TEK: variants seen among roughly 807,000 people sequenced by gnomAD.
TEK encodes TEK receptor tyrosine kinase, also known as angiopoietin-1 receptor.
TEK carries 43 observed loss-of-function variants against 131.8 expected under a neutral mutation model. The ratio of observed to expected loss-of-function variants is 0.33; its 90% confidence interval spans 0.26 to 0.42. The LOEUF is 0.42. Among genes scored for constraint, TEK ranks in the 10% least tolerant of loss-of-function variants. TEK has a pLI of 1.00. For synonymous variants in TEK, 580 were observed against 491.6 expected (o/e 1.18, Z -2.38); for missense variants, 1,162 against 1,384.4 (o/e 0.84, Z 2.55).
In TEK at chr9:27,168,616, G is replaced by C; in HGVS notation, c.475+11G>C. 6.5e-7 allele frequency: 1 copy of C among 1,542,242 alleles called. No individual in the cohort carries two copies. Among genetic ancestry groups the C allele is most frequent in the East Asian group, 2.3e-5 (1 of 44,390 alleles). ...TGATTTACAAAAATGGTGAGTATGTGTTTCATTGCTTTCCCCAGTATGATG... is the reference window on the plus strand; with the variant it reads ...TGATTTACAAAAATGGTGAGTATGTCTTTCATTGCTTTCCCCAGTATGATG... On this transcript the variant is annotated intron_variant, in intron 3 of 22. Transcript: ENST00000380036.
chr9:27,175,164 A>T (rs1363378157), intron 6 of TEK, among the ~76,000 whole-genome samples: 1 of 117,356 alleles, frequency 8.5e-6, no homozygotes, highest in Non-Finnish European at 1.7e-5. Context: ...CAGTCCCCAG[A>T]GTGTGATGTT....
chr9:27,206,810 T>C lies in TEK; in HGVS notation c.2575+18T>C, dbSNP rs957024390. On this transcript the variant is annotated intron_variant, in intron 15 of 22. Transcript: ENST00000380036. ...AATGAAAGGTCAGTGGTTGACCAGA[T>C]AGAGTCAGCATTGCGTGAGGGTGTG... 2.5e-6 allele frequency: 4 copies of C among 1,611,900 alleles called. No individual in the cohort carries two copies. The African/African-American group carries it at 5.3e-5, about 22-fold the overall frequency.
At chr9:27,145,861 T>G (rs1822898464) in intron 1 of TEK, among the ~76,000 whole-genome samples, 2 of 152,238 alleles carry the variant, frequency 1.3e-5, no homozygotes, top group Admixed American at 1.3e-4. Context: ...ATTGATTAGT[T>G]GTGTGTGCCT....
intron 1 of TEK, among the ~76,000 whole-genome samples, chr9:27,138,290 C>G (rs1043693464): frequency 6.6e-6 from 1 of 151,640 alleles, no homozygotes; most frequent in South Asian, 2.1e-4. Flanking sequence ...TTTGGCCCTG[C>G]CCACATCCTG....
intron 8 of TEK, 55 bp downstream of exon 8, chr9:27,183,665 A>C: frequency 6.3e-7 from 1 of 1,598,022 alleles, no homozygotes; most frequent in Admixed American, 1.7e-5. Context: ...TCAGTGTAGT[A>C]ATCACCCCAC....
chr9:27,179,107 T>G (rs1824272341), intron 6 of TEK, among the ~76,000 whole-genome samples: 1 of 152,178 alleles, frequency 6.6e-6, no homozygotes, highest in South Asian at 2.1e-4. Context: ...TTTTGTCTCT[T>G]GGGTCCCTAA....
intron 1 of TEK, among the ~76,000 whole-genome samples, chr9:27,150,736 T>C (rs2131103946): frequency 6.6e-6 from 1 of 152,320 alleles, no homozygotes; most frequent in Non-Finnish European, 1.5e-5. Context: ...AGTTTGCATA[T>C]AAATGAATGT....
In TEK at chr9:27,228,182, C is replaced by T. The variant is rs763602471; in HGVS notation, c.3201-24C>T. On this transcript the variant is annotated intron_variant, in intron 21 of 22. Transcript: ENST00000380036. ...GACTGAAGCACAGTTATAGAATTAA[C>T]CCTTTAATTCTTTGCTTTCGAAGGT... The T allele has an allele frequency of 1.7e-5, 26 of 1,564,418 alleles. 1 individual carries two copies. The South Asian group carries it at 2.8e-4, about 17-fold the overall frequency.
chr9:27,135,420 GA>G (rs1170887628), intron 1 of TEK, among the ~76,000 whole-genome samples: 4 of 151,802 alleles, frequency 2.6e-5, no homozygotes, highest in African/African-American at 7.3e-5. Flanking sequence ...TTTTGCAGGG[GA>G]AAAAAATCCT....
At chr9:27,149,894 G>T (rs12348315) in intron 1 of TEK, among the ~76,000 whole-genome samples, 289 of 152,222 alleles carry the variant, frequency 1.9e-3, no homozygotes, top group African/African-American at 6.8e-3. Flanking sequence ...GGGTATCCTG[G>T]TGCTGATAAA....
At chr9:27,147,214 C>G (rs1358220177) in intron 1 of TEK, among the ~76,000 whole-genome samples, 3 of 152,154 alleles carry the variant, frequency 2.0e-5, no homozygotes, top group Non-Finnish European at 4.4e-5. Flanking sequence ...CCTACACATT[C>G]TCTTTAGCAC....
chr9:27,116,286 G>A (rs1821552946), intron 1 of TEK, among the ~76,000 whole-genome samples: 2 of 152,014 alleles, frequency 1.3e-5, no homozygotes, highest in South Asian at 2.1e-4. Flanking sequence ...GAGGCTACAT[G>A]TAAAGGAAGT....
chr9:27,202,959 G>A lies in TEK; in HGVS notation c.2049G>A (p.Gln683=). 3.1e-6 allele frequency: 5 copies of A among 1,614,120 alleles called. No homozygotes were observed. Among genetic ancestry groups the A allele is most frequent in the Non-Finnish European group, 4.2e-6 (5 of 1,180,014 alleles). Residue 683 remains glutamine, a synonymous_variant, in exon 13 of 23, where the codon CAG becomes CAA. Transcript: ENST00000380036. ...AGGTTCAAGGCAAGAATGAAGACCA[G>A]CACGTTGATGTGAAGATAAAGAATG... is the stretch of plus-strand genomic sequence containing the variant. ...RYKVQGKNED[Q]HVDVKIKNAT...
At chr9:27,144,702 A>C (rs1348158603) in intron 1 of TEK, among the ~76,000 whole-genome samples, 1 of 152,168 alleles carries the variant, frequency 6.6e-6, no homozygotes, top group African/African-American at 2.4e-5. Flanking sequence ...CCTGGAAGAC[A>C]ATAGATTCCA....
chr9:27,178,041 G>T (rs1824235095), intron 6 of TEK, among the ~76,000 whole-genome samples: 1 of 152,050 alleles, frequency 6.6e-6, no homozygotes, highest in Non-Finnish European at 1.5e-5. Context: ...TCATTGCCCG[G>T]ATCAGTATCA....
chr9:27,198,650 T>A (rs1162361957), intron 12 of TEK, among the ~76,000 whole-genome samples: 1 of 152,256 alleles, frequency 6.6e-6, no homozygotes, highest in African/African-American at 2.4e-5. Flanking sequence ...TTTGTCATAT[T>A]TGCTTTCAGC....
intron 2 of TEK, among the ~76,000 whole-genome samples, chr9:27,167,476 C>CGGTG (rs1823776299): frequency 6.6e-6 from 1 of 152,152 alleles, no homozygotes; most frequent in Non-Finnish European, 1.5e-5. Flanking sequence ...GATCTGTCTA[C>CGGTG]GGTGGCATCC....
At chr9:27,183,669 A>G in intron 8 of TEK, 59 bp downstream of exon 8, 2 of 1,596,414 alleles carry the variant, frequency 1.3e-6, no homozygotes, top group South Asian at 1.1e-5. Context: ...TGTAGTAATC[A>G]CCCCACTAAA....
In TEK at chr9:27,227,968, A is replaced by G. The variant is rs1406513060; in HGVS notation, c.3201-238A>G. ...ACCCAGTTCTTTCTAGATGATTGCA[A>G]TAGCTGAGACCAAGGTCCTGCAGAA... On this transcript the variant is annotated intron_variant, in intron 21 of 22. Coordinates refer to ENST00000380036, the MANE Select transcript of TEK (RefSeq NM_000459.5). 2.6e-5 allele frequency among the ~76,000 whole-genome samples: 4 copies of G among 152,270 alleles called. No homozygotes were observed. The East Asian group carries it at 7.7e-4, about 29-fold the overall frequency.
Sources: gnomAD v4.1 joint callset for allele counts (sites outside exome capture counted in the v4.1 genomes callset) on GRCh38, gnomAD v4.1.1 for gene constraint, MANE v1.5 for transcripts, NCBI Gene and HGNC (gene_info 2026-07-23, HGNC 2026-07-21) for gene names.